Variants in OSCP1 observed in about 807,000 individuals in gnomAD.
OSCP1 encodes organic solute carrier partner 1.
OSCP1 carries 35 observed loss-of-function variants against 45.1 expected under a neutral mutation model. That is an observed-to-expected ratio of 0.78 (90% CI 0.59 to 1.03). OSCP1 has a LOEUF of 1.03. Among genes scored for constraint, OSCP1 ranks in the 50% least tolerant of loss-of-function variants. OSCP1 has a pLI of 0.00. For missense variants in OSCP1, 400 were observed against 470.7 expected (o/e 0.85, Z 1.39); for synonymous variants, 179 against 180.1 (o/e 0.99, Z 0.05).
intron 1 of OSCP1, among the ~76,000 whole-genome samples, chr1:36,440,021 T>C (rs1557564315): frequency 6.6e-6 from 1 of 152,378 alleles, no homozygotes; most frequent in South Asian, 2.1e-4. Context: ...ACTGAGAATA[T>C]ACACTTACAG....
chr1:36,428,716 G>A (rs1389617127), intron 4 of OSCP1, among the ~76,000 whole-genome samples: 2 of 151,724 alleles, frequency 1.3e-5, no homozygotes, highest in Non-Finnish European at 2.9e-5. Context: ...AGGCTGAGGC[G>A]GGCGGATCGC....
intron 4 of OSCP1, among the ~76,000 whole-genome samples, chr1:36,425,172 C>CAA (rs60875318): frequency 0.25 from 29,943 of 118,064 alleles, 3,533 homozygotes; most frequent in African/African-American, 0.31. Flanking sequence ...GACTCTGTCT[C>CAA]AAAAAAAAAA....
At chr1:36,450,126 C>T in intron 1 of OSCP1, 132 bp downstream of exon 1, 1 of 721,080 alleles carries the variant, frequency 1.4e-6, no homozygotes, top group Non-Finnish European at 2.3e-6. Context: ...ATGGATGTGG[C>T]TTGTAAGAAA....
intron 7 of OSCP1, among the ~76,000 whole-genome samples, chr1:36,421,188 C>G (rs1159400800): frequency 6.6e-6 from 1 of 152,130 alleles, no homozygotes. Context: ...CCCTCTGCCT[C>G]CTGTCGAAAG....
chr1:36,437,461 A>C (rs942511084), intron 2 of OSCP1, among the ~76,000 whole-genome samples: 2 of 152,186 alleles, frequency 1.3e-5, no homozygotes, highest in African/African-American at 4.8e-5. Flanking sequence ...GAGATTTGTG[A>C]AGAATGAGGC....
chr1:36,438,774 G>A lies in OSCP1; in HGVS notation c.249C>T (p.Asn83=), dbSNP rs755740191. ...RLAHASIMKL[N]QASMDKLYDL... ...TGCTCACCTTATCCATGCTGGCCTGGTTCAGTTTCATAATGGAGGCATGAG... is the reference window on the plus strand; with the variant it reads ...TGCTCACCTTATCCATGCTGGCCTGATTCAGTTTCATAATGGAGGCATGAG... Residue 83 remains asparagine (N), a synonymous_variant, in exon 2 of 10, where the codon AAC becomes AAT. Transcript: ENST00000235532. The A allele has an allele frequency of 1.2e-6, 2 of 1,612,306 alleles. No homozygotes were observed. Among genetic ancestry groups the A allele is most frequent in the East Asian group, 4.5e-5 (2 of 44,860 alleles).
At position 36,450,239 on chromosome 1, in the gene OSCP1, C is replaced by T. The variant is rs1349598748; in HGVS notation, c.112+19G>A. 25 of 1,601,280 alleles carry T rather than the reference C, an allele frequency of 1.6e-5. No individual in the cohort carries two copies. The highest frequency in any genetic ancestry group is 3.3e-5 in the South Asian group (3 of 90,652). ...GCTGCTGGCTGCGGGTCTGGCTGAG[C>T]GGGCCGGGGGCCTCTCACCTTTGCG... On this transcript the variant is annotated intron_variant, in intron 1 of 9. Coordinates refer to ENST00000235532, the MANE Select transcript of OSCP1 (RefSeq NM_145047.5).
In OSCP1 at chr1:36,420,540, T is replaced by C; in HGVS notation, c.895A>G (p.Lys299Glu). 2 of 1,614,190 alleles carry C rather than the reference T, an allele frequency of 1.2e-6. No homozygotes were observed. Among genetic ancestry groups the C allele is most frequent in the Non-Finnish European group, 1.7e-6 (2 of 1,180,032 alleles). ...CCGGGCTCAGGGCCACTGGGTTTCT[T>C]AATCTCCATCCCTCCCATCAGCCTG... is the stretch of plus-strand genomic sequence containing the variant. Reference protein sequence around the residue: ...LARLMGGMEIKKPSGPEPGFR... With the variant: ...LARLMGGMEIEKPSGPEPGFR... Residue 299 changes from lysine to glutamate, a missense_variant, in exon 8 of 10, where the codon AAG becomes GAG. Coordinates refer to ENST00000235532, the MANE Select transcript of OSCP1 (RefSeq NM_145047.5).
intron 4 of OSCP1, among the ~76,000 whole-genome samples, chr1:36,426,373 C>T (rs1379330221): frequency 6.6e-6 from 1 of 152,098 alleles, no homozygotes; most frequent in Non-Finnish European, 1.5e-5. Context: ...CTTTCCTTTC[C>T]GAGGTGATCT....
rs144226900 is a variant in OSCP1 at position 36,438,805 on chromosome 1, C to T, written c.218G>A (p.Arg73His). Residue 73 changes from arginine (R) to histidine (H), a missense_variant, in exon 2 of 10, where the codon CGC becomes CAC. Physicochemically the swap from Arg to His is conservative, Grantham distance 29. Coordinates refer to ENST00000235532, the MANE Select transcript of OSCP1 (RefSeq NM_145047.5). The part of the protein sequence containing the change: ...SKKALRTVYE[R>H]LAHASIMKLN... The stretch of plus-strand genomic sequence containing the variant: ...TTTCATAATGGAGGCATGAGCCAGG[C>T]GCTCATAGACAGTCCTCAGGGCCTT... The T allele has an allele frequency of 2.9e-5, 47 of 1,613,914 alleles. No individual in the cohort carries two copies. Among genetic ancestry groups the T allele is most frequent in the African/African-American group, 6.7e-5 (5 of 75,032 alleles).
rs751944917 is a variant in OSCP1 at position 36,432,543 on chromosome 1, C to T, written c.314G>A (p.Cys105Tyr). The T allele has an allele frequency of 6.2e-7, 1 of 1,614,066 alleles. No individual in the cohort carries two copies. The highest frequency in any genetic ancestry group is 1.7e-5 in the Admixed American group (1 of 60,004). Residue 105 changes from cysteine to tyrosine, a missense_variant, in exon 3 of 10, where the codon TGT becomes TAT. Cys to Tyr is a radical substitution (Grantham distance 194, BLOSUM62 -2). Coordinates refer to ENST00000235532, the MANE Select transcript of OSCP1 (RefSeq NM_145047.5). ...CAGCAGCACATCCTTGGGTCGGGGA[C>T]ACAGCAATACTTGATATTTGAAAGC... Reference protein sequence around the residue: ...TMAFKYQVLLCPRPKDVLLVT... With the variant: ...TMAFKYQVLLYPRPKDVLLVT...
In OSCP1 at chr1:36,420,595, A is replaced by T. The variant is rs766977988; in HGVS notation, c.840T>A (p.Pro280=). The change falls in exon 8 of 10, where the codon CCT becomes CCA. Residue 280 remains proline (P), a synonymous_variant. Coordinates refer to ENST00000235532, the MANE Select transcript of OSCP1 (RefSeq NM_145047.5). The part of the protein sequence containing the change: ...SWTQESIAPN[P]LAKEELNFLA... ...AGAAATTCAGCTCTTCTTTAGCAAGAGGGTTTGGAGCAATGCTTTCCTGCA... is the reference window on the plus strand; with the variant it reads ...AGAAATTCAGCTCTTCTTTAGCAAGTGGGTTTGGAGCAATGCTTTCCTGCA... 7.2e-5 allele frequency: 116 copies of T among 1,613,952 alleles called. No homozygotes were observed. Among genetic ancestry groups the T allele is most frequent in the Middle Eastern group, 1.6e-4 (1 of 6,084 alleles).
rs767733052 is a variant in OSCP1, at chr1:36,438,757, T to A, written c.266A>T (p.Lys89Met). ...TGACAAAGGCAGCTGTCTGCTCACC[T>A]TATCCATGCTGGCCTGGTTCAGTTT... is the stretch of plus-strand genomic sequence containing the variant. ...IMKLNQASMD[K>M]LYDLMTMAFK... Residue 89 changes from lysine to methionine, a missense_variant and splice_region_variant, in exon 2 of 10, where the codon AAG becomes ATG. Coordinates refer to ENST00000235532, the MANE Select transcript of OSCP1 (RefSeq NM_145047.5). The A allele has an allele frequency of 2.2e-5, 36 of 1,602,976 alleles. 5 individuals are homozygous for A. In the South Asian group the frequency reaches 3.9e-4, roughly 17 times the overall value.
chr1:36,436,524 C>A (rs976520139), intron 2 of OSCP1, among the ~76,000 whole-genome samples: 18 of 152,084 alleles, frequency 1.2e-4, no homozygotes, highest in Non-Finnish European at 2.9e-5. Context: ...TACAGGCATA[C>A]GCCATTACAC....
At chr1:36,430,563 A>T (rs1270782613) in intron 4 of OSCP1, among the ~76,000 whole-genome samples, 2 of 152,014 alleles carry the variant, frequency 1.3e-5, no homozygotes, top group Non-Finnish European at 2.9e-5. Context: ...TGAGCCCAAA[A>T]GTTAGAGACC....
intron 2 of OSCP1, among the ~76,000 whole-genome samples, chr1:36,436,946 G>A (rs1307021802): frequency 6.6e-6 from 1 of 152,150 alleles, no homozygotes; most frequent in Non-Finnish European, 1.5e-5. Context: ...TTTTCTTATG[G>A]TTAGCCTGGG....
intron 1 of OSCP1, among the ~76,000 whole-genome samples, chr1:36,446,322 C>T (rs6696320): frequency 0.26 from 40,223 of 152,182 alleles, 5,945 homozygotes; most frequent in Middle Eastern, 0.4. Context: ...TGCGCCCGGC[C>T]CCTGCAGCAT....
At position 36,447,655 on chromosome 1, in the gene OSCP1, TG is replaced by T. The variant is rs1649627972; in HGVS notation, c.112+2602del. Among the ~76,000 whole-genome samples, 1 of 152,190 alleles carries T rather than the reference TG, an allele frequency of 6.6e-6. No individual in the cohort carries two copies. The highest frequency in any genetic ancestry group is 2.4e-5 in the African/African-American group (1 of 41,432). On this transcript the variant is annotated intron_variant, in intron 1 of 9. Coordinates refer to ENST00000235532, the MANE Select transcript of OSCP1 (RefSeq NM_145047.5). This position sits in a 1 kb window ranked among gnomAD's most constrained non-coding sequence, Gnocchi z 4.1. ...AGTCTTAGTTTCTCCATCTGTAAAA[TG>T]GGGATAGTAATATTACCTATGTGTT...
At chr1:36,432,859 A>T (rs891676814) in intron 2 of OSCP1, among the ~76,000 whole-genome samples, 2 of 152,188 alleles carry the variant, frequency 1.3e-5, no homozygotes, top group African/African-American at 2.4e-5. Context: ...TGTTAATGGG[A>T]TACGTCTGAA....
Sources: allele counts gnomAD v4.1 joint callset (sites outside exome capture counted in the v4.1 genomes callset), GRCh38; gene constraint gnomAD v4.1.1; non-coding constraint Gnocchi (gnomAD v3.1); transcripts MANE v1.5; gene names NCBI Gene and HGNC (gene_info 2026-07-23, HGNC 2026-07-21).